The following CDK6 variants were observed in gnomAD, a reference collection of about 807,000 sequenced individuals.
The protein encoded by CDK6 is cyclin dependent kinase 6.
CDK6 carries 6 observed loss-of-function variants against 37.1 expected under a neutral mutation model. The ratio of observed to expected loss-of-function variants is 0.16; its 90% CI spans 0.09 to 0.32. The LOEUF is 0.32. Among genes scored for constraint, CDK6 ranks in the 10% least tolerant of loss-of-function variants. The pLI is 1.00. For synonymous variants in CDK6, 160 were observed against 161.3 expected (o/e 0.99, Z 0.06); for missense variants, 224 against 418.9 (o/e 0.53, Z 4.06).
At chr7:92,783,265 A>G (rs1800041221) in intron 2 of CDK6, among the ~76,000 whole-genome samples, 1 of 152,222 alleles carries the variant, frequency 6.6e-6, no homozygotes, top group South Asian at 2.1e-4. Context: ...ACAAAGATAC[A>G]GGGTTCAATT....
At chr7:92,784,941 T>C (rs1241640979) in intron 2 of CDK6, among the ~76,000 whole-genome samples, 1 of 152,222 alleles carries the variant, frequency 6.6e-6, no homozygotes, top group Non-Finnish European at 1.5e-5. Flanking sequence ...TTGTAACTGC[T>C]GTTAAACGAA....
chr7:92,632,179 T>C lies in CDK6; in HGVS notation c.648-9093A>G, dbSNP rs186066871. Among the ~76,000 whole-genome samples, 665 of 152,248 alleles carry C rather than the reference T, an allele frequency of 4.4e-3. 6 individuals carry two copies. The highest frequency in any genetic ancestry group is 0.015 in the African/African-American group (626 of 41,538). ...ACACACCTTTCTCTTGCAAAAACTC[T>C]AATATTGACATCAGCCGGATGTCAG... On this transcript the variant is annotated intron_variant, in intron 5 of 7. Transcript: ENST00000424848.
chr7:92,711,932 G>A (rs896479774), intron 4 of CDK6, among the ~76,000 whole-genome samples: 13 of 151,482 alleles, frequency 8.6e-5, no homozygotes, highest in African/African-American at 2.9e-4. Context: ...ACTGAAGAAG[G>A]AACCGTGACA....
At chr7:92,667,992 C>T (rs1275194959) in intron 5 of CDK6, among the ~76,000 whole-genome samples, 1 of 152,198 alleles carries the variant, frequency 6.6e-6, no homozygotes, top group Non-Finnish European at 1.5e-5. Context: ...TGTACAGTAA[C>T]ATCCTAGGCC....
At chr7:92,671,261 C>T (rs1797065889) in intron 5 of CDK6, 165 bp downstream of exon 5, 1 of 445,590 alleles carries the variant, frequency 2.2e-6, no homozygotes, top group East Asian at 3.5e-5. Flanking sequence ...ACACTGTAAG[C>T]ACTGAGAAGG....
intron 2 of CDK6, among the ~76,000 whole-genome samples, chr7:92,781,898 A>G (rs1198346300): frequency 2.0e-5 from 3 of 152,176 alleles, no homozygotes; most frequent in Non-Finnish European, 4.4e-5. Context: ...TTATGTTCAC[A>G]CATCTCACTA....
rs1395913142 is a variant in CDK6, at chr7:92,764,162, G to T, written c.369+10534C>A. On this transcript the variant is annotated intron_variant, in intron 3 of 7. Transcript: ENST00000424848. ...GTCTTTTTTTTTTTTTTTGAGGCAA[G>T]GTCTTGTGCTCTGTCACCCAGGCTG... is the stretch of plus-strand genomic sequence containing the variant. Among the ~76,000 whole-genome samples, 4 of 147,568 alleles carry T rather than the reference G, an allele frequency of 2.7e-5. No homozygotes were observed. In the East Asian group the frequency reaches 5.9e-4, roughly 22 times the overall value.
At chr7:92,786,680 A>G (rs1800149402) in intron 2 of CDK6, among the ~76,000 whole-genome samples, 1 of 148,680 alleles carries the variant, frequency 6.7e-6, no homozygotes, top group African/African-American at 2.5e-5. Flanking sequence ...CTGTGTGTGT[A>G]TATATATTGT....
chr7:92,696,900 C>G (rs1335108588), intron 4 of CDK6, among the ~76,000 whole-genome samples: 1 of 152,012 alleles, frequency 6.6e-6, no homozygotes, highest in African/African-American at 2.4e-5. Context: ...TTAACCGATT[C>G]GCAAAAAAGT....
chr7:92,728,079 T>G (rs559948074), intron 3 of CDK6, among the ~76,000 whole-genome samples: 16 of 152,350 alleles, frequency 1.1e-4, no homozygotes, highest in African/African-American at 3.8e-4. Flanking sequence ...TAGCAGCCAA[T>G]TAGCAGTATA....
chr7:92,665,281 A>G (rs1796932094), intron 5 of CDK6, among the ~76,000 whole-genome samples: 2 of 151,966 alleles, frequency 1.3e-5, no homozygotes, highest in Non-Finnish European at 2.9e-5. Flanking sequence ...CCATCCATCC[A>G]TCCATCCATC....
chr7:92,737,469 T>C (rs1798814555), intron 3 of CDK6, among the ~76,000 whole-genome samples: 1 of 152,234 alleles, frequency 6.6e-6, no homozygotes, highest in East Asian at 1.9e-4. Flanking sequence ...AGTTGCTTTT[T>C]CCCTATACCT....
chr7:92,608,617 G>C lies in CDK6; in HGVS notation c.*6523C>G, dbSNP rs1002199106. On this transcript the variant is annotated 3_prime_UTR_variant, in exon 8 of 8. Coordinates refer to ENST00000424848, the MANE Select transcript of CDK6 (RefSeq NM_001145306.2). Reference sequence around the variant, plus strand: ...ATGCGGGGTAGACAGCTTCACACAGGGCAGCTGCTACCGCATCTCTTTTTA... The same window carrying C: ...ATGCGGGGTAGACAGCTTCACACAGCGCAGCTGCTACCGCATCTCTTTTTA... 1.3e-5 allele frequency: 3 copies of C among 232,140 alleles called. No individual in the cohort carries two copies. In the South Asian group the frequency reaches 5.4e-4, roughly 42 times the overall value. 14.4% of individuals were successfully genotyped at this position (232,140 alleles called of 1,614,324 possible).
intron 4 of CDK6, among the ~76,000 whole-genome samples, chr7:92,721,894 G>T (rs76605398): frequency 1.6e-4 from 24 of 152,292 alleles, no homozygotes; most frequent in African/African-American, 5.8e-4. Context: ...TATACCTTAA[G>T]ATGCCTGGAA....
At chr7:92,623,641 C>T (rs1441513204) in intron 5 of CDK6, among the ~76,000 whole-genome samples, 1 of 152,138 alleles carries the variant, frequency 6.6e-6, no homozygotes, top group Non-Finnish European at 1.5e-5. Flanking sequence ...AATCTTAACT[C>T]TGGGCTTTAG....
rs1160432811 is a variant in CDK6, at chr7:92,835,376, C to T, written c.-368+1102G>A. On this transcript the variant is annotated intron_variant, in intron 1 of 7. Coordinates refer to ENST00000424848, the MANE Select transcript of CDK6 (RefSeq NM_001145306.2). This position sits in a 1 kb window ranked among gnomAD's most constrained non-coding sequence, Gnocchi z 4.2. ...AACTGCGCCTGCTGCCCCCGCCGGGCCCCGCACTGCCCTGGCTCTCCCCCC... is the reference window on the plus strand; with the variant it reads ...AACTGCGCCTGCTGCCCCCGCCGGGTCCCGCACTGCCCTGGCTCTCCCCCC... 14 of 151,694 alleles carry T rather than the reference C, an allele frequency of 9.2e-5. 1 individual carries two copies. The highest frequency in any genetic ancestry group is 1.9e-4 in the Non-Finnish European group (13 of 68,072). The allele number at this position is 151,694 out of a possible 1,614,324, so 9.4% of individuals were successfully genotyped here.
At chr7:92,793,086 T>A (rs969929944) in intron 2 of CDK6, among the ~76,000 whole-genome samples, 2 of 152,064 alleles carry the variant, frequency 1.3e-5, no homozygotes, top group African/African-American at 2.4e-5. Context: ...TACAAAACAA[T>A]ATTGCAAGAA....
intron 6 of CDK6, among the ~76,000 whole-genome samples, chr7:92,622,405 T>G (rs530706290): frequency 1.4e-4 from 21 of 152,214 alleles, no homozygotes; most frequent in South Asian, 4.1e-4. Context: ...TAATTAATGA[T>G]GAACTCTAAT....
intron 4 of CDK6, among the ~76,000 whole-genome samples, chr7:92,674,990 C>A (rs1269762960): frequency 6.6e-6 from 1 of 152,158 alleles, no homozygotes; most frequent in Non-Finnish European, 1.5e-5. Flanking sequence ...CGCCACCACA[C>A]CTGGCTAATA....
Sources: gnomAD v4.1 joint callset for allele counts (sites outside exome capture counted in the v4.1 genomes callset) on GRCh38, gnomAD v4.1.1 for gene constraint, Gnocchi (gnomAD v3.1) non-coding constraint, MANE v1.5 for transcripts, NCBI Gene and HGNC (gene_info 2026-07-23, HGNC 2026-07-21) for gene names.